The following CSGALNACT1 variants were observed in gnomAD, a reference collection of about 807,000 sequenced individuals.
The protein encoded by CSGALNACT1 is chondroitin sulfate N-acetylgalactosaminyltransferase 1.
Under a neutral mutation model 51.0 loss-of-function variants are expected in CSGALNACT1, and 52 were observed. The observed-to-expected ratio is 1.02, with a 90% CI of 0.82 to 1.29. The LOEUF is 1.29. CSGALNACT1 is among the 50% of genes most tolerant of loss of function. The pLI is 0.00. For synonymous variants in CSGALNACT1, 341 were observed against 254.4 expected (o/e 1.34, Z -3.24); for missense variants, 935 against 679.2 (o/e 1.38, Z -4.19).
chr8:19,468,289 T>C (rs978108506), intron 4 of CSGALNACT1, among the ~76,000 whole-genome samples: 14 of 152,168 alleles, frequency 9.2e-5, no homozygotes, highest in African/African-American at 2.9e-4. Flanking sequence ...ACCAGCTTGT[T>C]ATGTTTGGCC....
At chr8:19,677,845 T>G (rs2060306747) in intron 1 of CSGALNACT1, among the ~76,000 whole-genome samples, 2 of 152,100 alleles carry the variant, frequency 1.3e-5, no homozygotes, top group African/African-American at 4.8e-5. Flanking sequence ...TTTTAGGGAA[T>G]GTTAAAGGTC....
At chr8:19,611,056 G>A (rs776030326) in intron 1 of CSGALNACT1, among the ~76,000 whole-genome samples, 1 of 152,200 alleles carries the variant, frequency 6.6e-6, no homozygotes, top group Non-Finnish European at 1.5e-5. Flanking sequence ...CACGCCCTGC[G>A]AAGGGGACAA....
At chr8:19,618,642 A>G (rs1564272725) in intron 1 of CSGALNACT1, among the ~76,000 whole-genome samples, 1 of 145,068 alleles carries the variant, frequency 6.9e-6, no homozygotes, top group African/African-American at 2.7e-5. Flanking sequence ...AAAAAAAAAA[A>G]AAAAAAAAAA....
chr8:19,688,981 A>T (rs1331829016), intron 1 of CSGALNACT1: 1 of 152,252 alleles, frequency 6.6e-6, no homozygotes, highest in Admixed American at 6.5e-5. Context: ...GTGTCACCTT[A>T]GCAACAAGTG....
chr8:19,505,459 A>C (rs1177351898), exon 4 of CSGALNACT1: 3 of 1,614,058 alleles, frequency 1.9e-6, no homozygotes, highest in Non-Finnish European at 2.5e-6. Context: ...TCCACCTGCG[A>C]GTGCAGGAAG....
chr8:19,457,167 A>G (rs1192274161), intron 5 of CSGALNACT1, among the ~76,000 whole-genome samples: 1 of 152,240 alleles, frequency 6.6e-6, no homozygotes, highest in Admixed American at 6.5e-5. Flanking sequence ...CAAAGGTCTA[A>G]GACTATTTGA....
chr8:19,674,606 T>C (rs2060035785), intron 1 of CSGALNACT1, among the ~76,000 whole-genome samples: 1 of 152,118 alleles, frequency 6.6e-6, no homozygotes, highest in African/African-American at 2.4e-5. Context: ...TCCAGGACCC[T>C]GGCCTTTATC....
chr8:19,666,833 GAAAGAAAGAA>G lies in CSGALNACT1; in HGVS notation c.-544+15630_-544+15639del, dbSNP rs1326969455. ...AAAGAGAGAGAGAGAGAGAGAGAGA[GAAAGAAAGAA>G]AGAAAGAAAGAAAGAAAGAAAGAAA... On this transcript the variant is annotated intron_variant, in intron 1 of 9. Coordinates refer to the CSGALNACT1 transcript ENST00000332246. 1.4e-3 allele frequency among the ~76,000 whole-genome samples: 40 copies of G among 28,372 alleles called. 1 individual carries two copies. Among genetic ancestry groups the G allele is most frequent in the South Asian group, 9.6e-3 (9 of 934 alleles). The allele number at this position is 28,372 out of a possible 152,430, so 18.6% of individuals were successfully genotyped here.
chr8:19,608,247 C>T (rs1386277909), intron 1 of CSGALNACT1, among the ~76,000 whole-genome samples: 3 of 152,188 alleles, frequency 2.0e-5, no homozygotes, highest in African/African-American at 7.2e-5. Flanking sequence ...AACAGGGACA[C>T]CTATACGGGG....
At chr8:19,583,804 A>G (rs1489889893) in intron 3 of CSGALNACT1, among the ~76,000 whole-genome samples, 1 of 152,220 alleles carries the variant, frequency 6.6e-6, no homozygotes, top group Admixed American at 6.5e-5. Flanking sequence ...CAACAAAAAA[A>G]TAATGATTGC....
intron 1 of CSGALNACT1, among the ~76,000 whole-genome samples, chr8:19,633,966 C>G (rs905142645): frequency 6.6e-6 from 1 of 152,076 alleles, no homozygotes; most frequent in African/African-American, 2.4e-5. Context: ...AGGGTTCGTG[C>G]CTTCCTACTT....
intron 4 of CSGALNACT1, among the ~76,000 whole-genome samples, chr8:19,465,540 G>A (rs1161664934): frequency 6.6e-6 from 1 of 152,188 alleles, no homozygotes; most frequent in Admixed American, 6.5e-5. Flanking sequence ...CTCTGAAAAA[G>A]TCTAGCAGTT....
At chr8:19,680,709 G>A (rs2060552687) in intron 1 of CSGALNACT1, among the ~76,000 whole-genome samples, 1 of 152,098 alleles carries the variant, frequency 6.6e-6, no homozygotes, top group Non-Finnish European at 1.5e-5. Flanking sequence ...GAATGACTGT[G>A]ATAGGTCTGA....
intron 3 of CSGALNACT1, among the ~76,000 whole-genome samples, chr8:19,565,626 A>T (rs1025233909): frequency 6.6e-6 from 1 of 152,184 alleles, no homozygotes; most frequent in Non-Finnish European, 1.5e-5. Flanking sequence ...TTCTTACATT[A>T]AAGAACTTCA....
chr8:19,634,693 G>C (rs2055778781), intron 1 of CSGALNACT1, among the ~76,000 whole-genome samples: 1 of 152,088 alleles, frequency 6.6e-6, no homozygotes, highest in African/African-American at 2.4e-5. Context: ...AGACAACAGA[G>C]CTTGCTTTCT....
intron 1 of CSGALNACT1, among the ~76,000 whole-genome samples, chr8:19,635,211 C>T (rs1168661801): frequency 6.6e-6 from 1 of 152,194 alleles, no homozygotes. Flanking sequence ...CCCGTCCTCT[C>T]CTGAGCCCAC....
At chr8:19,559,354 C>T (rs56080748) in intron 3 of CSGALNACT1, among the ~76,000 whole-genome samples, 1 of 151,980 alleles carries the variant, frequency 6.6e-6, no homozygotes, top group Non-Finnish European at 1.5e-5. Flanking sequence ...ATCTACCATA[C>T]AAAAATACTA....
At chr8:19,667,004 AAAGAAAGAAAGAAAGGAAGGAAGG>A (rs2059370271) in intron 1 of CSGALNACT1, among the ~76,000 whole-genome samples, 21 of 25,086 alleles carry the variant, frequency 8.4e-4, no homozygotes, top group Admixed American at 5.8e-3. Context: ...AGAAAGAAAG[AAAGAAAGAAAGAAAGGAAGGAAGG>A]AAGGAAGGAA....
chr8:19,752,955 A>G (rs549736899), intron 1 of CSGALNACT1, among the ~76,000 whole-genome samples: 1 of 152,306 alleles, frequency 6.6e-6, no homozygotes, highest in African/African-American at 2.4e-5. Flanking sequence ...TCCCAAGTTT[A>G]AAGACTCATT....
Sources: gnomAD v4.1 joint callset for allele counts (sites outside exome capture counted in the v4.1 genomes callset) on GRCh38, gnomAD v4.1.1 for gene constraint, MANE v1.5 for transcripts, NCBI Gene and HGNC (gene_info 2026-07-23, HGNC 2026-07-21) for gene names.